Variants in SLC4A4 observed in about 807,000 individuals in gnomAD.
The protein encoded by SLC4A4 is electrogenic sodium bicarbonate cotransporter 1.
SLC4A4 carries 27 observed loss-of-function variants against 111.5 expected under a neutral mutation model. The observed-to-expected ratio is 0.24, with a 90% CI of 0.18 to 0.33. The LOEUF is 0.33. Among genes scored for constraint, SLC4A4 ranks in the 10% least tolerant of loss-of-function variants. SLC4A4 has a pLI of 1.00. For synonymous variants in SLC4A4, 443 were observed against 463.4 expected (o/e 0.96, Z 0.57); for missense variants, 909 against 1,315.5 (o/e 0.69, Z 4.78).
chr4:71,188,506 C>T (rs1170978448), intron 1 of SLC4A4, among the ~76,000 whole-genome samples: 1 of 152,174 alleles, frequency 6.6e-6, no homozygotes, highest in East Asian at 1.9e-4. Flanking sequence ...CTGTACTAAA[C>T]GCTCATTGTC....
intron 2 of SLC4A4, among the ~76,000 whole-genome samples, chr4:71,100,884 C>T (rs1235958185): frequency 6.6e-6 from 1 of 152,164 alleles, no homozygotes; most frequent in South Asian, 2.1e-4. Context: ...ATATAACTAA[C>T]CAGGGAGGTG....
At chr4:71,465,466 G>C (rs1304538273) in intron 12 of SLC4A4, among the ~76,000 whole-genome samples, 1 of 150,258 alleles carries the variant, frequency 6.7e-6, no homozygotes, top group Non-Finnish European at 1.5e-5. Flanking sequence ...ACATGTGCTT[G>C]TCTATAGGTT....
rs775385153 is a variant in SLC4A4 at position 71,397,581 on chromosome 4, C to T, written c.735C>T (p.Ser245=). 6.2e-7 allele frequency: 1 copy of T among 1,613,770 alleles called. No homozygotes were observed. Among genetic ancestry groups the T allele is most frequent in the South Asian group, 1.1e-5 (1 of 91,080 alleles). The stretch of plus-strand genomic sequence containing the variant: ...AGTTTACTTGTGTTTTTCCAGGTAG[C>T]CCAGCCATGACCCATAGGAATCTGA... ...SRMFTNPDNG[S]PAMTHRNLTS... Residue 245 remains serine, a synonymous_variant, in exon 7 of 26, where the codon AGC becomes AGT. Transcript: ENST00000264485.
intron 21 of SLC4A4, among the ~76,000 whole-genome samples, chr4:71,557,012 C>T (rs944613405): frequency 1.3e-5 from 2 of 151,910 alleles, no homozygotes; most frequent in East Asian, 3.9e-4. Context: ...AGCACAGCAC[C>T]TGACACACAG....
At chr4:71,354,485 G>A (rs569859781) in intron 5 of SLC4A4, among the ~76,000 whole-genome samples, 42 of 152,172 alleles carry the variant, frequency 2.8e-4, no homozygotes, top group Non-Finnish European at 5.0e-4. Context: ...AAATGGAATT[G>A]CCCATTGAAT....
intron 2 of SLC4A4, among the ~76,000 whole-genome samples, chr4:71,118,121 C>T (rs1202046320): frequency 6.6e-6 from 1 of 152,254 alleles, no homozygotes; most frequent in Admixed American, 6.5e-5. Context: ...GGTGATCTGC[C>T]CACCTAGGGC....
intron 3 of SLC4A4, among the ~76,000 whole-genome samples, chr4:71,267,404 C>T (rs779821176): frequency 6.6e-6 from 1 of 152,032 alleles, no homozygotes; most frequent in Non-Finnish European, 1.5e-5. Flanking sequence ...AAGAAGAGCA[C>T]AAAACAAGGC....
chr4:71,461,135 G>C (rs929370337), intron 12 of SLC4A4, among the ~76,000 whole-genome samples: 9 of 151,976 alleles, frequency 5.9e-5, no homozygotes, highest in Non-Finnish European at 1.0e-4. Flanking sequence ...ATATGCTGCA[G>C]AGTTCCTTAT....
rs373225370 is a variant in SLC4A4, at chr4:71,364,747, T to C, written c.730+7560T>C. Among the ~76,000 whole-genome samples, 188 of 152,290 alleles carry C rather than the reference T, an allele frequency of 1.2e-3. 1 individual carries two copies. Among genetic ancestry groups the C allele is most frequent in the African/African-American group, 4.5e-3 (185 of 41,562 alleles). ...TTTGGGGGGGATACAAACATTCAGA[T>C]CCTAGCACACTGTAAGGAACAATTA... On this transcript the variant is annotated intron_variant, in intron 6 of 25. Transcript: ENST00000264485.
intron 2 of SLC4A4, among the ~76,000 whole-genome samples, chr4:71,106,771 T>G (rs1403565551): frequency 4.3e-5 from 4 of 92,464 alleles, no homozygotes; most frequent in South Asian, 3.9e-4. Context: ...TGGGGACTGT[T>G]GTGGGGTGGG....
chr4:71,385,555 T>G (rs2148958364), intron 6 of SLC4A4, among the ~76,000 whole-genome samples: 1 of 152,272 alleles, frequency 6.6e-6, no homozygotes, highest in South Asian at 2.1e-4. Context: ...TATCAGTTTG[T>G]TCTAATGTTA....
intron 6 of SLC4A4, among the ~76,000 whole-genome samples, chr4:71,361,031 G>T (rs1261768202): frequency 6.6e-6 from 1 of 152,130 alleles, no homozygotes; most frequent in Admixed American, 6.5e-5. Context: ...AGGAGGAGCG[G>T]CCCGGCTTCT....
chr4:71,365,330 G>A (rs1731144480), intron 6 of SLC4A4, among the ~76,000 whole-genome samples: 2 of 152,108 alleles, frequency 1.3e-5, no homozygotes, highest in South Asian at 4.1e-4. Flanking sequence ...CCAAGGCTTG[G>A]TTTCCTTAAT....
chr4:71,154,089 A>G (rs188814708), intron 2 of SLC4A4, among the ~76,000 whole-genome samples: 2 of 152,292 alleles, frequency 1.3e-5, no homozygotes, highest in African/African-American at 2.4e-5. Flanking sequence ...GGTGACCTCT[A>G]AAAGGTCTAT....
intron 1 of SLC4A4, among the ~76,000 whole-genome samples, chr4:71,195,398 G>C (rs1287464309): frequency 1.3e-5 from 2 of 151,988 alleles, no homozygotes; most frequent in African/African-American, 4.8e-5. Flanking sequence ...TACATATTAG[G>C]TAGTATACCT....
chr4:71,546,650 A>G (rs1735546994), intron 19 of SLC4A4, 122 bp downstream of exon 19: 1 of 899,340 alleles, frequency 1.1e-6, no homozygotes, highest in South Asian at 1.5e-5. Context: ...TTATTCCTAT[A>G]TTTTTTGTTC....
At position 71,178,132 on chromosome 4, in the gene SLC4A4, G is replaced by A. The variant is rs531998986; in HGVS notation, c.-1-58444G>A. On this transcript the variant is annotated intron_variant, in intron 2 of 26. Coordinates refer to the SLC4A4 transcript ENST00000649996. The stretch of plus-strand genomic sequence containing the variant: ...AATAAAGATGTTCTTTGAAACCAAC[G>A]AGAAAAAAGACACAACATACCAGAA... Among the ~76,000 whole-genome samples, 29 of 152,038 alleles carry A rather than the reference G, an allele frequency of 1.9e-4. No individual in the cohort carries two copies. The East Asian group carries it at 2.5e-3, about 13-fold the overall frequency.
chr4:71,293,971 T>C (rs1398549183), intron 3 of SLC4A4, among the ~76,000 whole-genome samples: 2 of 152,138 alleles, frequency 1.3e-5, no homozygotes, highest in Non-Finnish European at 2.9e-5. Flanking sequence ...TATTACAGAA[T>C]TGGTTTTTGG....
At chr4:71,545,189 C>T (rs1474752157) in intron 18 of SLC4A4, among the ~76,000 whole-genome samples, 1 of 151,936 alleles carries the variant, frequency 6.6e-6, no homozygotes, top group Non-Finnish European at 1.5e-5. Flanking sequence ...ACATGCTTTT[C>T]TTTCTTGTAC....
Sources: allele counts gnomAD v4.1 joint callset (sites outside exome capture counted in the v4.1 genomes callset), GRCh38; gene constraint gnomAD v4.1.1; transcripts MANE v1.5; gene names NCBI Gene and HGNC (gene_info 2026-07-23, HGNC 2026-07-21).